Variants in DLGAP1 observed in about 807,000 individuals in gnomAD.
The protein encoded by DLGAP1 is disks large-associated protein 1.
In DLGAP1, 11 loss-of-function variants were observed where a neutral mutation model predicts 90.8. The observed-to-expected ratio is 0.12, with a 90% CI of 0.08 to 0.20. The LOEUF (loss-of-function observed/expected upper bound fraction) is 0.20, where lower values mean the gene tolerates loss of function less well. Ranked by LOEUF, DLGAP1 falls within the 10% of genes least tolerant of loss-of-function variation. The pLI, the probability that DLGAP1 is intolerant of heterozygous loss-of-function variation, is 1.00. For synonymous variants in DLGAP1, 558 were observed against 540.7 expected (o/e 1.03, Z -0.44); for missense variants, 1,050 against 1,333.8 (o/e 0.79, Z 3.31).
At chr18:4,009,182 T>C (rs947995273) in intron 2 of DLGAP1, among the ~76,000 whole-genome samples, 4 of 152,190 alleles carry the variant, frequency 2.6e-5, no homozygotes, top group South Asian at 2.1e-4. Flanking sequence ...GGATTACAGG[T>C]GTGAGCCACT....
intron 5 of DLGAP1, among the ~76,000 whole-genome samples, chr18:3,746,654 G>C (rs1032567977): frequency 6.6e-6 from 1 of 151,992 alleles, no homozygotes; most frequent in Non-Finnish European, 1.5e-5. Flanking sequence ...CCTATAAAGA[G>C]GGAATCATAA....
chr18:3,667,629 C>T (rs2059929869), intron 7 of DLGAP1, among the ~76,000 whole-genome samples: 1 of 152,120 alleles, frequency 6.6e-6, no homozygotes, highest in Non-Finnish European at 1.5e-5. Flanking sequence ...CCAGGTACTG[C>T]GGTTTCTACC....
chr18:4,211,573 T>G (rs112033577), intron 1 of DLGAP1, among the ~76,000 whole-genome samples: 7 of 152,224 alleles, frequency 4.6e-5, no homozygotes, highest in African/African-American at 1.7e-4. Context: ...CTCAGTGGAA[T>G]ATCCTAGGGA....
At chr18:4,065,165 C>G (rs1463673484) in intron 2 of DLGAP1, among the ~76,000 whole-genome samples, 2 of 151,930 alleles carry the variant, frequency 1.3e-5, no homozygotes, top group African/African-American at 4.8e-5. Context: ...AAACTAGGTA[C>G]TGAAGGAATA....
intron 11 of DLGAP1, among the ~76,000 whole-genome samples, chr18:3,506,806 T>C (rs920645778): frequency 2.0e-4 from 31 of 151,738 alleles, no homozygotes; most frequent in African/African-American, 7.0e-4. Flanking sequence ...ATCATGTTAA[T>C]TGAGATCTGT....
chr18:4,210,587 G>A (rs1156874078), intron 1 of DLGAP1, among the ~76,000 whole-genome samples: 2 of 152,110 alleles, frequency 1.3e-5, no homozygotes, highest in African/African-American at 4.8e-5. Flanking sequence ...TGATGTCTCT[G>A]GGGAAAATGA....
chr18:4,074,019 C>G (rs1369831786), intron 2 of DLGAP1, among the ~76,000 whole-genome samples: 1 of 152,032 alleles, frequency 6.6e-6, no homozygotes, highest in Admixed American at 6.6e-5. Flanking sequence ...AGCAGATAAC[C>G]TTATTCATAG....
chr18:3,698,306 T>C (rs2061163358), intron 7 of DLGAP1, among the ~76,000 whole-genome samples: 1 of 152,254 alleles, frequency 6.6e-6, no homozygotes, highest in Admixed American at 6.5e-5. Context: ...TTGATATGTT[T>C]CTGCAGTGGC....
chr18:4,269,499 G>A (rs1418754524), intron 1 of DLGAP1, among the ~76,000 whole-genome samples: 2 of 151,482 alleles, frequency 1.3e-5, no homozygotes, highest in Admixed American at 6.6e-5. Flanking sequence ...GACTACAGGA[G>A]CCCACCACCA....
intron 6 of DLGAP1, among the ~76,000 whole-genome samples, chr18:3,739,188 C>G (rs2062791435): frequency 6.9e-6 from 1 of 144,984 alleles, no homozygotes; most frequent in Non-Finnish European, 1.5e-5. Flanking sequence ...GGACTGTAAA[C>G]TAGTTCAACC....
intron 2 of DLGAP1, among the ~76,000 whole-genome samples, chr18:4,019,983 G>T (rs2074583733): frequency 6.6e-6 from 1 of 152,222 alleles, no homozygotes; most frequent in African/African-American, 2.4e-5. Context: ...ATCTGGAAGG[G>T]TGGGACAACT....
chr18:3,719,402 C>CA (rs1432125376), intron 7 of DLGAP1, among the ~76,000 whole-genome samples: 1 of 150,892 alleles, frequency 6.6e-6, no homozygotes, highest in African/African-American at 2.4e-5. Flanking sequence ...ACTAAAAATA[C>CA]AAAAAATTAG....
intron 1 of DLGAP1, among the ~76,000 whole-genome samples, chr18:4,187,893 A>T (rs1188370483): frequency 6.6e-6 from 1 of 152,062 alleles, no homozygotes; most frequent in Admixed American, 6.6e-5. Flanking sequence ...GCTATTTGGA[A>T]GTCTGAGGCA....
intron 1 of DLGAP1, among the ~76,000 whole-genome samples, chr18:4,348,428 G>A (rs945103633): frequency 6.6e-6 from 1 of 151,716 alleles, no homozygotes; most frequent in African/African-American, 2.4e-5. Flanking sequence ...GTGTGTGTGT[G>A]TGTGTGTGTG....
intron 7 of DLGAP1, chr18:3,656,378 G>A: frequency 2.3e-6 from 1 of 437,156 alleles, no homozygotes; most frequent in East Asian, 3.9e-5. Context: ...ATGGGACAAA[G>A]GCCAAGTCTG....
intron 1 of DLGAP1, among the ~76,000 whole-genome samples, chr18:4,311,222 A>C (rs562809349): frequency 6.6e-6 from 1 of 151,806 alleles, no homozygotes; most frequent in African/African-American, 2.4e-5. Flanking sequence ...TACTGACTTG[A>C]GCAGAACTAT....
chr18:3,828,686 C>CAAAAAA (rs2067865648), intron 4 of DLGAP1, among the ~76,000 whole-genome samples: 1 of 134,900 alleles, frequency 7.4e-6, no homozygotes, highest in Non-Finnish European at 1.6e-5. Flanking sequence ...AAAACAAAAC[C>CAAAAAA]TTTAAAAAAA....
chr18:4,093,699 A>C (rs574471658), intron 2 of DLGAP1, among the ~76,000 whole-genome samples: 4 of 152,158 alleles, frequency 2.6e-5, no homozygotes, highest in Admixed American at 2.6e-4. Flanking sequence ...TACTCACTGA[A>C]TAGTTAGGGG....
intron 2 of DLGAP1, among the ~76,000 whole-genome samples, chr18:4,141,235 T>C (rs1231347364): frequency 6.6e-6 from 1 of 152,000 alleles, no homozygotes; most frequent in African/African-American, 2.4e-5. Context: ...TTATTCAGTT[T>C]TTCCCAAGAT....
Sources: allele counts gnomAD v4.1 joint callset (sites outside exome capture counted in the v4.1 genomes callset), GRCh38; gene constraint gnomAD v4.1.1; transcripts MANE v1.5; gene names NCBI Gene and HGNC (gene_info 2026-07-23, HGNC 2026-07-21).